The following HEPACAM variants were observed in gnomAD, a reference collection of about 807,000 sequenced individuals.
The protein encoded by HEPACAM is hepatocyte cell adhesion molecule.
HEPACAM carries 18 observed loss-of-function variants against 38.3 expected under a neutral mutation model. The ratio of observed to expected loss-of-function variants is 0.47; its 90% CI spans 0.33 to 0.70. The LOEUF is 0.70. Ranked by LOEUF, HEPACAM falls within the 30% of genes least tolerant of loss-of-function variation. HEPACAM has a pLI of 0.03. For missense variants in HEPACAM, 466 were observed against 563.0 expected (o/e 0.83, Z 1.74); for synonymous variants, 216 against 243.1 (o/e 0.89, Z 1.04).
rs991549554 is a variant in HEPACAM at position 124,927,864 on chromosome 11, C to A, written c.86-2795G>T. On this transcript the variant is annotated intron_variant, in intron 1 of 6. Transcript: ENST00000298251. ...TGAGATTGCACCACTGCACTCCAGG[C>A]TGGGTGACAGAGCAAGACTCTCTCT... Among the ~76,000 whole-genome samples, 7 of 152,110 alleles carry A rather than the reference C, an allele frequency of 4.6e-5. No homozygotes were observed. The East Asian group carries it at 1.4e-3, about 29-fold the overall frequency.
intron 1 of HEPACAM, among the ~76,000 whole-genome samples, chr11:124,930,579 CTT>C (rs1947270131): frequency 6.6e-6 from 1 of 152,162 alleles, no homozygotes; most frequent in African/African-American, 2.4e-5. Context: ...AAAAATCACT[CTT>C]GTTAAGCTGT....
rs183886198 is a variant in HEPACAM at position 124,919,955 on chromosome 11, C to T, written c.*1183G>A. ...CCACTCCTATGAACTGTTCAATAGG[C>T]GGTGGCATGGGCATGTCCTGGCTAC... On this transcript the variant is annotated 3_prime_UTR_variant, in exon 7 of 7. Coordinates refer to ENST00000298251, the MANE Select transcript of HEPACAM (RefSeq NM_152722.5). 3.2e-5 allele frequency: 51 copies of T among 1,613,788 alleles called. 1 individual carries two copies. Among genetic ancestry groups the T allele is most frequent in the Middle Eastern group, 3.4e-4 (2 of 5,806 alleles).
At chr11:124,925,283 C>T (rs1225130151) in intron 1 of HEPACAM, among the ~76,000 whole-genome samples, 2 of 152,246 alleles carry the variant, frequency 1.3e-5, no homozygotes, top group Non-Finnish European at 2.9e-5. Context: ...CATCTCATGG[C>T]CTTCAATGCT....
intron 3 of HEPACAM, 83 bp from the exon 4 acceptor site, chr11:124,923,516 A>G: frequency 8.5e-7 from 1 of 1,171,272 alleles, no homozygotes; most frequent in African/African-American, 1.5e-5. Flanking sequence ...CATGGATGGA[A>G]GAGAGGGGGA....
Position 124,920,958 on chromosome 11 carries a change from C to G in HEPACAM, c.*180G>C. The G allele has an allele frequency of 7.3e-7, 1 of 1,366,824 alleles. No individual in the cohort carries two copies. The highest frequency in any genetic ancestry group is 1.7e-5 in the South Asian group (1 of 58,542). 84.7% of individuals were successfully genotyped at this position (1,366,824 alleles called of 1,614,324 possible). ...ACCCGGTTTCACCATATCAACACTG[C>G]CGCCTCCGCGCACCCGCCTCCGTCT... On this transcript the variant is annotated 3_prime_UTR_variant, in exon 7 of 7. Coordinates refer to ENST00000298251, the MANE Select transcript of HEPACAM (RefSeq NM_152722.5).
At chr11:124,922,970 A>G in intron 4 of HEPACAM, 152 bp from the exon 5 acceptor site, 1 of 831,598 alleles carries the variant, frequency 1.2e-6, no homozygotes, top group South Asian at 1.4e-5. Flanking sequence ...AAGGAATCAC[A>G]TCTAGGTTTG....
At position 124,920,677 on chromosome 11, in the gene HEPACAM, GCAAAAAAAAAAAA is replaced by G. The variant is rs1947118251; in HGVS notation, c.*448_*460del. 1 of 107,838 alleles carries G rather than the reference GCAAAAAAAAAAAA, an allele frequency of 9.3e-6. No individual in the cohort carries two copies. The highest frequency in any genetic ancestry group is 1.2e-5 in the Non-Finnish European group (1 of 83,436). The allele number at this position is 107,838 out of a possible 1,614,324, so 6.7% of individuals were successfully genotyped here. On this transcript the variant is annotated 3_prime_UTR_variant, in exon 7 of 7. Transcript: ENST00000298251. ...AAAGTGGCCTCTCTAATCTGAACTT[GCAAAAAAAAAAAA>G]AAAAAAAAAAAAAAAAAAAGTGCCC...
chr11:124,924,129 C>T lies in HEPACAM; in HGVS notation c.428-119G>A, dbSNP rs2135399367. The T allele has an allele frequency of 1.0e-6, 1 of 964,096 alleles. No individual in the cohort carries two copies. The highest frequency in any genetic ancestry group is 1.4e-5 in the South Asian group (1 of 70,116). The allele number at this position is 964,096 out of a possible 1,614,324, so 59.7% of individuals were successfully genotyped here. A position where few individuals can be genotyped will look rare whatever the true frequency, so the allele number is the denominator to read the frequency against. ...ACTACCTTCCAACTCAATCTGTGGG[C>T]TGAGAAGACTTCAGACATCCTAAGT... On this transcript the variant is annotated intron_variant, in intron 2 of 6. Coordinates refer to ENST00000298251, the MANE Select transcript of HEPACAM (RefSeq NM_152722.5). This position sits in a 1 kb window ranked among gnomAD's most constrained non-coding sequence, Gnocchi z 4.4.
At chr11:124,928,139 G>A (rs1489557431) in intron 1 of HEPACAM, among the ~76,000 whole-genome samples, 2 of 152,190 alleles carry the variant, frequency 1.3e-5, no homozygotes, top group African/African-American at 4.8e-5. Context: ...AAGAGGTGGT[G>A]GGGATGAGTC....
chr11:124,934,232 C>A (rs1392764163), intron 1 of HEPACAM, among the ~76,000 whole-genome samples: 2 of 152,126 alleles, frequency 1.3e-5, no homozygotes, highest in Non-Finnish European at 2.9e-5. Flanking sequence ...TAGCTCCTGA[C>A]TTTACCTCTA....
At chr11:124,935,719 G>T (rs984805734) in intron 1 of HEPACAM, among the ~76,000 whole-genome samples, 1 of 152,146 alleles carries the variant, frequency 6.6e-6, no homozygotes, top group Admixed American at 6.5e-5. Flanking sequence ...TTGGGGGAAG[G>T]GGGTAGGGGC....
intron 1 of HEPACAM, among the ~76,000 whole-genome samples, chr11:124,933,574 T>A (rs1185405896): frequency 6.6e-6 from 1 of 152,216 alleles, no homozygotes; most frequent in Non-Finnish European, 1.5e-5. Flanking sequence ...ACGTGATCTT[T>A]CTATAATTTT....
Position 124,922,791 on chromosome 11 carries a change from G to A in HEPACAM, c.831C>T (p.Asn277=), listed in dbSNP as rs1392933629. Residue 277 remains asparagine, a synonymous_variant, in exon 5 of 7, where the codon AAC becomes AAT. Coordinates refer to ENST00000298251, the MANE Select transcript of HEPACAM (RefSeq NM_152722.5). ...CATTCTGATCCATGTATTCCAGGGA[G>A]TTTTGCTTTTCTAGCTTCTTCTGTT... ...KRKQKKLEKQ[N]SLEYMDQNDD... is the part of the protein sequence containing the mutation. 2 of 1,614,114 alleles carry A rather than the reference G, an allele frequency of 1.2e-6. No individual in the cohort carries two copies. The highest frequency in any genetic ancestry group is 1.3e-5 in the African/African-American group (1 of 74,932).
chr11:124,925,025 G>T lies in HEPACAM; in HGVS notation c.130C>A (p.His44Asn). The change falls in exon 2 of 7, where the codon CAT becomes AAT. Residue 44 changes from histidine (H) to asparagine (N), a missense_variant. Transcript: ENST00000298251. ...VNITSPVRLI[H>N]GTVGKSALLS... ...AGAGCCGACTTCCCCACGGTGCCAT[G>T]GATCAGGCGCACGGGGCTGGTGATG... 1 of 1,605,464 alleles carries T rather than the reference G, an allele frequency of 6.2e-7. No individual in the cohort carries two copies. The highest frequency in any genetic ancestry group is 8.5e-7 in the Non-Finnish European group (1 of 1,173,526).
chr11:124,920,271 G>A lies in HEPACAM; in HGVS notation c.*867C>T, dbSNP rs1947109010. 3 of 989,868 alleles carry A rather than the reference G, an allele frequency of 3.0e-6. No homozygotes were observed. The South Asian group carries it at 5.1e-5, about 17-fold the overall frequency. The allele number at this position is 989,868 out of a possible 1,614,324, so 61.3% of individuals were successfully genotyped here. On this transcript the variant is annotated 3_prime_UTR_variant, in exon 7 of 7. Coordinates refer to ENST00000298251, the MANE Select transcript of HEPACAM (RefSeq NM_152722.5). ...GAAGCCAGGAGGAATATATGAGTTTGATGAGCTAAAACAGTTCCTCATTTG... is the reference window on the plus strand; with the variant it reads ...GAAGCCAGGAGGAATATATGAGTTTAATGAGCTAAAACAGTTCCTCATTTG...
At chr11:124,922,553 A>G in intron 5 of HEPACAM, 95 bp from the exon 6 acceptor site, 2 of 1,597,746 alleles carry the variant, frequency 1.3e-6, no homozygotes, top group Non-Finnish European at 1.7e-6. Flanking sequence ...GCCCGCCACA[A>G]CCTCCACCAA....
chr11:124,924,984 G>A lies in HEPACAM; in HGVS notation c.171C>T (p.Tyr57=), dbSNP rs574676316. The A allele has an allele frequency of 7.6e-5, 122 of 1,611,826 alleles. No homozygotes were observed. Among genetic ancestry groups the A allele is most frequent in the Middle Eastern group, 1.7e-4 (1 of 6,056 alleles). ...VGKSALLSVQ[Y]SSTSSDRPVV... is the part of the protein sequence containing the mutation. The stretch of plus-strand genomic sequence containing the variant: ...CAGGCCTGTCGCTGCTGGTACTGCT[G>A]TACTGCACAGAAAGCAGAGCCGACT... Residue 57 remains tyrosine (Y), a synonymous_variant, in exon 2 of 7, where the codon TAC becomes TAT. Coordinates refer to ENST00000298251, the MANE Select transcript of HEPACAM (RefSeq NM_152722.5). This position sits in a 1 kb window ranked among gnomAD's most constrained non-coding sequence, Gnocchi z 4.4.
chr11:124,935,118 C>T (rs1255478201), intron 1 of HEPACAM, among the ~76,000 whole-genome samples: 1 of 152,146 alleles, frequency 6.6e-6, no homozygotes, highest in Non-Finnish European at 1.5e-5. Context: ...CCCTGATATT[C>T]CCACACCCTG....
chr11:124,934,570 G>C (rs971718649), intron 1 of HEPACAM, among the ~76,000 whole-genome samples: 3 of 151,596 alleles, frequency 2.0e-5, no homozygotes, highest in Admixed American at 6.6e-5. Context: ...ACAAGTCAAG[G>C]AATTACCAGA....
Sources: gnomAD v4.1 joint callset for allele counts (sites outside exome capture counted in the v4.1 genomes callset) on GRCh38, gnomAD v4.1.1 for gene constraint, Gnocchi (gnomAD v3.1) non-coding constraint, MANE v1.5 for transcripts, NCBI Gene and HGNC (gene_info 2026-07-23, HGNC 2026-07-21) for gene names.